Variants in ANAPC1 observed in about 807,000 individuals in gnomAD.
ANAPC1 encodes the protein anaphase promoting complex subunit 1.
A neutral mutation model predicts 208.0 loss-of-function variants in ANAPC1; 36 were observed. The ratio of observed to expected loss-of-function variants is 0.17; its 90% CI spans 0.13 to 0.23. The LOEUF (loss-of-function observed/expected upper bound fraction) is 0.23, where lower values mean the gene tolerates loss of function less well. Ranked by LOEUF, ANAPC1 falls within the 10% of genes least tolerant of loss-of-function variation. The pLI, the probability that ANAPC1 is intolerant of heterozygous loss-of-function variation, is 1.00. For missense variants in ANAPC1, 942 were observed against 2,011.6 expected (o/e 0.47, Z 10.17); for synonymous variants, 378 against 695.2 (o/e 0.54, Z 7.18).
chr2:111,772,187 A>T (rs1318583415), intron 47 of ANAPC1, among the ~76,000 whole-genome samples, 154 bp downstream of exon 47: 1 of 148,536 alleles, frequency 6.7e-6, no homozygotes, highest in African/African-American at 2.5e-5. Context: ...AAAGTTGATA[A>T]TTTTTTCTTT....
chr2:111,847,025 G>A (rs561422626), intron 16 of ANAPC1, 113 bp downstream of exon 16: 2 of 825,590 alleles, frequency 2.4e-6, no homozygotes, highest in South Asian at 1.7e-5. Context: ...CCTCTACAAA[G>A]CTAAGAACTT....
chr2:111,832,695 C>T (rs555736884), intron 20 of ANAPC1, among the ~76,000 whole-genome samples: 5 of 151,974 alleles, frequency 3.3e-5, no homozygotes, highest in African/African-American at 1.2e-4. Flanking sequence ...TTTGGGAGGC[C>T]GAGGCGGGTG....
intron 3 of ANAPC1, among the ~76,000 whole-genome samples, chr2:111,875,018 T>C (rs1422716824): frequency 2.0e-5 from 3 of 152,174 alleles, no homozygotes; most frequent in African/African-American, 7.2e-5. Context: ...GCCAAACTTT[T>C]CCACAGCAGC....
At chr2:111,851,089 G>A (rs1344204467) in intron 13 of ANAPC1, among the ~76,000 whole-genome samples, 179 bp from the exon 14 acceptor site, 1 of 151,644 alleles carries the variant, frequency 6.6e-6, no homozygotes, top group Non-Finnish European at 1.5e-5. Flanking sequence ...CTATCCAACT[G>A]CAAATATGTT....
chr2:111,793,039 A>G (rs1266717758), intron 37 of ANAPC1, among the ~76,000 whole-genome samples: 1 of 152,254 alleles, frequency 6.6e-6, no homozygotes, highest in African/African-American at 2.4e-5. Context: ...ATTGAATATC[A>G]AGACATAACA....
At chr2:111,788,147 A>G (rs1677666315) in intron 39 of ANAPC1, 87 bp downstream of exon 39, 4 of 1,532,368 alleles carry the variant, frequency 2.6e-6, no homozygotes, top group Non-Finnish European at 2.7e-6. Flanking sequence ...TAATTTGGAA[A>G]TAATTCCATG....
At chr2:111,881,661 A>G (rs1425018703) in intron 1 of ANAPC1, among the ~76,000 whole-genome samples, 1 of 152,242 alleles carries the variant, frequency 6.6e-6, no homozygotes, top group Non-Finnish European at 1.5e-5. Context: ...AGTACAGATA[A>G]GCATAATTAG....
At chr2:111,783,628 T>TA (rs1677401949) in intron 42 of ANAPC1, among the ~76,000 whole-genome samples, 1 of 152,202 alleles carries the variant, frequency 6.6e-6, no homozygotes. Flanking sequence ...TACCAAGAGA[T>TA]AAGTCCATTA....
intron 14 of ANAPC1, among the ~76,000 whole-genome samples, chr2:111,850,372 T>A (rs1681322964): frequency 6.6e-6 from 1 of 152,334 alleles, no homozygotes; most frequent in South Asian, 2.1e-4. Flanking sequence ...CTGACATGTC[T>A]CTCAGTGAGG....
intron 46 of ANAPC1, 39 bp downstream of exon 46, chr2:111,776,820 C>T (rs1312108834): frequency 6.4e-6 from 2 of 313,444 alleles, no homozygotes; most frequent in East Asian, 1.2e-4. Context: ...GAATGTATCT[C>T]AAAAGCACAA....
At position 111,809,176 on chromosome 2, in the gene ANAPC1, A is replaced by C; in HGVS notation, c.3603T>G (p.His1201Gln). The C allele has an allele frequency of 6.2e-7, 1 of 1,602,528 alleles. No individual in the cohort carries two copies. The highest frequency in any genetic ancestry group is 8.5e-7 in the Non-Finnish European group (1 of 1,176,078). Residue 1201 changes from histidine (H) to glutamine (Q), a missense_variant, in exon 29 of 48, where the codon CAT becomes CAG. Transcript: ENST00000341068. ...LNIHDYLTKG[H>Q]EMTSIGLLLG... ...GTAGCAGTCCAATGCTTGTCATTTC[A>C]TGGCCCTAAGATAGAAACAAAACAA...
chr2:111,823,175 A>C (rs913548351), intron 24 of ANAPC1, among the ~76,000 whole-genome samples: 1 of 149,966 alleles, frequency 6.7e-6, no homozygotes, highest in Non-Finnish European at 1.5e-5. Context: ...ATGCCCGGCT[A>C]ATTTTTTTTG....
At chr2:111,873,275 A>T in intron 5 of ANAPC1, 33 bp downstream of exon 5, 1 of 1,566,426 alleles carries the variant, frequency 6.4e-7, no homozygotes, top group Non-Finnish European at 8.6e-7. Flanking sequence ...GTTCTCCAAC[A>T]AAACCCCCCC....
chr2:111,873,436 A>G (rs1225232164), intron 4 of ANAPC1, 28 bp from the exon 5 acceptor site: 1 of 1,598,684 alleles, frequency 6.3e-7, no homozygotes, highest in Admixed American at 1.8e-5. Context: ...AACAAGACTT[A>G]TGTGTTTTTT....
At position 111,841,406 on chromosome 2, in the gene ANAPC1, G is replaced by A. The variant is rs1033961127; in HGVS notation, c.2040+2006C>T. ...GGTAAATGGCACTAAAGGTATGGAGGCAGGTGTAATTCTATAGAGACAGGA... is the reference window on the plus strand; with the variant it reads ...GGTAAATGGCACTAAAGGTATGGAGACAGGTGTAATTCTATAGAGACAGGA... On this transcript the variant is annotated intron_variant, in intron 17 of 47. Transcript: ENST00000341068. Among the ~76,000 whole-genome samples, 27 of 110,102 alleles carry A rather than the reference G, an allele frequency of 2.5e-4. 2 individuals are homozygous for A. The highest frequency in any genetic ancestry group is 7.7e-4 in the African/African-American group (26 of 33,578). 72.2% of individuals were successfully genotyped at this position (110,102 alleles called of 152,430 possible). A position where few individuals can be genotyped will look rare whatever the true frequency, so the allele number is the denominator to read the frequency against.
chr2:111,790,243 G>GC (rs1264907539), intron 38 of ANAPC1, among the ~76,000 whole-genome samples: 1 of 151,522 alleles, frequency 6.6e-6, no homozygotes, highest in African/African-American at 2.4e-5. Context: ...TACAATCAAG[G>GC]CAATTCTGAT....
chr2:111,830,361 T>A (rs1680068045), intron 21 of ANAPC1, among the ~76,000 whole-genome samples: 1 of 151,988 alleles, frequency 6.6e-6, no homozygotes, highest in Non-Finnish European at 1.5e-5. Context: ...ACTTAAAACC[T>A]GACATGTTAT....
At chr2:111,853,787 G>A (rs1369002934) in intron 13 of ANAPC1, among the ~76,000 whole-genome samples, 2 of 151,988 alleles carry the variant, frequency 1.3e-5, no homozygotes, top group Non-Finnish European at 2.9e-5. Flanking sequence ...CGTAATCTCG[G>A]CTCACTGCAA....
At chr2:111,782,968 T>C (rs1268642628) in intron 42 of ANAPC1, among the ~76,000 whole-genome samples, 1 of 152,190 alleles carries the variant, frequency 6.6e-6, no homozygotes, top group Non-Finnish European at 1.5e-5. Flanking sequence ...TAAAAACTTT[T>C]ACATGCTTGT....
Sources: gnomAD v4.1 joint callset for allele counts (sites outside exome capture counted in the v4.1 genomes callset) on GRCh38, gnomAD v4.1.1 for gene constraint, MANE v1.5 for transcripts, NCBI Gene and HGNC (gene_info 2026-07-23, HGNC 2026-07-21) for gene names.